DRC4: variants seen among roughly 807,000 people sequenced by gnomAD.
DRC4 encodes GAS-11.
the DRC4 span, among the ~76,000 whole-genome samples, chr16:90,033,326 C>G: frequency 3.2e-4 from 49 of 152,288 alleles, no homozygotes; most frequent in African/African-American, 1.2e-3. Context: ...ACAAGCTGGT[C>G]TGATTTTTAC....
the DRC4 span, chr16:90,037,422 C>G: frequency 1.3e-6 from 2 of 1,597,234 alleles, no homozygotes; most frequent in Non-Finnish European, 1.7e-6. Flanking sequence ...CTGGATTCCT[C>G]TCCCTCCTTG....
the DRC4 span, chr16:90,044,888 G>A: frequency 5.6e-5 from 12 of 215,228 alleles, no homozygotes; most frequent in African/African-American, 1.6e-4. Context: ...TTTATAGCTG[G>A]CATATATTTT....
chr16:90,037,148 G>C, the DRC4 span: 46 of 1,408,454 alleles, frequency 3.3e-5, no homozygotes, highest in Non-Finnish European at 4.3e-5. Flanking sequence ...ATGGGCAGGA[G>C]AGCACCCAGC....
the DRC4 span, among the ~76,000 whole-genome samples, chr16:90,041,527 C>T: frequency 7.2e-5 from 11 of 152,166 alleles, no homozygotes; most frequent in African/African-American, 1.4e-4. Flanking sequence ...GTGGGATAGC[C>T]GGGCGCGGTG....
chr16:90,024,158 A>AC, the DRC4 span, among the ~76,000 whole-genome samples: 22 of 151,266 alleles, frequency 1.5e-4, no homozygotes, highest in South Asian at 4.2e-4. Context: ...ACACACACAC[A>AC]AAATTAGCCG....
At chr16:90,031,242 C>G in the DRC4 span, 71 of 1,605,750 alleles carry the variant, frequency 4.4e-5, no homozygotes, top group African/African-American at 2.5e-4. Context: ...CCACACGCCC[C>G]GTTGCCGTGC....
At chr16:90,020,811 G>C in the DRC4 span, 2 of 152,218 alleles carry the variant, frequency 1.3e-5, no homozygotes, top group Non-Finnish European at 2.9e-5. Context: ...TTTGCTGAAA[G>C]GAATTATTGT....
chr16:90,043,400 A>G, the DRC4 span: 16 of 1,525,160 alleles, frequency 1.0e-5, no homozygotes, highest in Admixed American at 1.2e-4. Context: ...ACTCGGGATG[A>G]CACCCCTTAT....
the DRC4 span, among the ~76,000 whole-genome samples, chr16:90,024,159 A>ACACACACACAC: frequency 1.1e-5 from 1 of 93,552 alleles, no homozygotes; most frequent in Non-Finnish European, 2.5e-5. Context: ...CACACACACA[A>ACACACACACAC]AATTAGCCGG....
At chr16:90,027,982 A>T in the DRC4 span, 1 of 467,804 alleles carries the variant, frequency 2.1e-6, no homozygotes, top group Non-Finnish European at 3.8e-6. Flanking sequence ...CTGATCTAAA[A>T]GCTGTTTTTA....
At chr16:90,040,271 A>G in the DRC4 span, 1 of 1,551,340 alleles carries the variant, frequency 6.4e-7, no homozygotes, top group Non-Finnish European at 8.7e-7. Flanking sequence ...GAGGGGCCTC[A>G]TCGCCCACCC....
the DRC4 span, among the ~76,000 whole-genome samples, chr16:90,030,643 T>TA: frequency 6.6e-6 from 1 of 151,526 alleles, no homozygotes; most frequent in Non-Finnish European, 1.5e-5. Flanking sequence ...TTGAGACAGA[T>TA]TCTCACTCTG....
the DRC4 span, chr16:90,037,165 C>T: frequency 1.4e-6 from 2 of 1,479,886 alleles, no homozygotes; most frequent in African/African-American, 2.8e-5. Context: ...CAGCTCTCAC[C>T]ATGCAGGCCA....
At chr16:90,044,006 A>G in the DRC4 span, 1 of 427,950 alleles carries the variant, frequency 2.3e-6, no homozygotes, top group South Asian at 1.7e-5. Flanking sequence ...TGGAGAGGCC[A>G]GGAGAGAGTA....
the DRC4 span, chr16:90,035,989 T>G: frequency 1.8e-6 from 2 of 1,108,534 alleles, no homozygotes; most frequent in Middle Eastern, 3.2e-4. Context: ...CTTAAAATAG[T>G]CTTCTCCATG....
At chr16:90,035,870 C>G in the DRC4 span, 3 of 1,485,016 alleles carry the variant, frequency 2.0e-6, no homozygotes, top group Non-Finnish European at 1.8e-6. Flanking sequence ...CCAGAACAAC[C>G]TATTTCCATG....
At chr16:90,042,618 A>C in the DRC4 span, 3 of 1,132,446 alleles carry the variant, frequency 2.6e-6, no homozygotes, top group Admixed American at 1.8e-5. Context: ...TGAGGACCCC[A>C]CCTGTGCCCA....
chr16:90,043,725 G>A, the DRC4 span: 5 of 483,928 alleles, frequency 1.0e-5, no homozygotes, highest in African/African-American at 4.0e-5. Context: ...AGCTTTGCAG[G>A]TGCTGGCACT....
At chr16:90,041,877 C>A in the DRC4 span, among the ~76,000 whole-genome samples, 47 of 152,158 alleles carry the variant, frequency 3.1e-4, 1 homozygote, top group Non-Finnish European at 2.9e-5. Flanking sequence ...TGACCAGTCT[C>A]CACAGTGTGG....
Sources: allele counts gnomAD v4.1 joint callset (sites outside exome capture counted in the v4.1 genomes callset), GRCh38; gene constraint gnomAD v4.1.1; transcripts MANE v1.5; gene names NCBI Gene and HGNC (gene_info 2026-07-23, HGNC 2026-07-21).